Variants in VCAN observed in about 807,000 individuals in gnomAD.
VCAN encodes the protein versican core protein.
In VCAN, 44 loss-of-function variants were observed where a neutral mutation model predicts 245.5. The observed-to-expected ratio is 0.18, with a 90% CI of 0.14 to 0.23. The LOEUF (loss-of-function observed/expected upper bound fraction) is 0.23. Among genes scored for constraint, VCAN ranks in the 10% least tolerant of loss-of-function variants. VCAN has a pLI of 1.00. For missense variants in VCAN, 3,793 were observed against 4,057.9 expected (o/e 0.93, Z 1.77); for synonymous variants, 1,413 against 1,437.0 (o/e 0.98, Z 0.38).
chr5:83,498,803 T>G (rs968544668), intron 5 of VCAN, among the ~76,000 whole-genome samples: 10 of 152,198 alleles, frequency 6.6e-5, no homozygotes, highest in Non-Finnish European at 4.4e-5. Flanking sequence ...CCCCATCACT[T>G]TAAGAGTCCT....
intron 7 of VCAN, among the ~76,000 whole-genome samples, chr5:83,532,069 T>A (rs1479836222): frequency 6.6e-6 from 1 of 152,100 alleles, no homozygotes; most frequent in African/African-American, 2.4e-5. Flanking sequence ...GAAATGTCAA[T>A]TACACCATTG....
intron 12 of VCAN, among the ~76,000 whole-genome samples, chr5:83,567,683 G>A (rs1318443873): frequency 6.6e-6 from 1 of 152,198 alleles, no homozygotes; most frequent in Non-Finnish European, 1.5e-5. Context: ...TCTTTCAGGT[G>A]TAGTAGTGAT....
chr5:83,566,394 A>C (rs1194310731), intron 12 of VCAN, among the ~76,000 whole-genome samples: 1 of 152,156 alleles, frequency 6.6e-6, no homozygotes, highest in Non-Finnish European at 1.5e-5. Flanking sequence ...TTATCTGCTG[A>C]GATTTTAGGT....
chr5:83,538,716 G>A lies in VCAN; in HGVS notation c.5713G>A (p.Glu1905Lys), dbSNP rs1746832269. The change falls in exon 8 of 15, where the codon GAA becomes AAA. Residue 1905 changes from glutamate (E) to lysine (K), a missense_variant. This residue lies in a region of VCAN where 3,182 missense variants were observed against 3,250.3 expected (regional missense o/e 0.98). Coordinates refer to ENST00000265077, the MANE Select transcript of VCAN (RefSeq NM_004385.5). Reference sequence around the variant, plus strand: ...TGAAAATATAACCCAAACATCCAGGGAAATAGTGATTTCAGAGCGATTAGG... The same window carrying A: ...TGAAAATATAACCCAAACATCCAGGAAAATAGTGATTTCAGAGCGATTAGG... The part of the protein sequence containing the change: ...VAENITQTSR[E>K]IVISERLGEP... 1 of 1,613,902 alleles carries A rather than the reference G, an allele frequency of 6.2e-7. No homozygotes were observed. The highest frequency in any genetic ancestry group is 8.5e-7 in the Non-Finnish European group (1 of 1,179,982).
chr5:83,579,824 T>C (rs1211892450), intron 13 of VCAN, among the ~76,000 whole-genome samples, 156 bp from the exon 14 acceptor site: 15 of 152,184 alleles, frequency 9.9e-5, no homozygotes, highest in Non-Finnish European at 8.8e-5. Context: ...CAACATTACA[T>C]TTTCTTTTTG....
chr5:83,478,091 C>G (rs1347462970), intron 1 of VCAN, among the ~76,000 whole-genome samples: 1 of 151,874 alleles, frequency 6.6e-6, no homozygotes, highest in Non-Finnish European at 1.5e-5. Context: ...TATGGGCACC[C>G]ACCACCATGC....
In VCAN at chr5:83,541,316, G is replaced by C; in HGVS notation, c.8313G>C (p.Glu2771Asp). The change falls in exon 8 of 15, where the codon GAG (glutamate) becomes GAC (aspartate). Residue 2771 changes from glutamate (E) to aspartate (D), a missense_variant. Glu to Asp is a conservative substitution (Grantham distance 45, BLOSUM62 2). Transcript: ENST00000265077. ...FQPEFSSGAE[E>D]ALVDHTPYLS... Reference sequence around the variant, plus strand: ...CAGAATTCTCTTCAGGAGCTGAGGAGGCATTAGTAGACCATACTCCCTATC... The same window carrying C: ...CAGAATTCTCTTCAGGAGCTGAGGACGCATTAGTAGACCATACTCCCTATC... 1 of 1,614,038 alleles carries C rather than the reference G, an allele frequency of 6.2e-7. No homozygotes were observed. Among genetic ancestry groups the C allele is most frequent in the Non-Finnish European group, 8.5e-7 (1 of 1,179,976 alleles).
rs144321043 is a variant in VCAN at position 83,527,266 on chromosome 5, G to A, written c.4003+4957G>A. ...AAGAGTGTGCTGAAATTGGTAGTAC[G>A]TTATTCTGCAGTTCTGGGCAGCTTC... On this transcript the variant is annotated intron_variant, in intron 7 of 14. Transcript: ENST00000265077. 1.7e-3 allele frequency among the ~76,000 whole-genome samples: 252 copies of A among 151,254 alleles called. 1 individual carries two copies. Among genetic ancestry groups the A allele is most frequent in the African/African-American group, 5.9e-3 (241 of 41,160 alleles).
chr5:83,485,748 C>T (rs946003027), intron 2 of VCAN, among the ~76,000 whole-genome samples: 1 of 151,942 alleles, frequency 6.6e-6, no homozygotes, highest in African/African-American at 2.4e-5. Context: ...TAAATTGACT[C>T]CTGGGATGGC....
In VCAN at chr5:83,537,508, C is replaced by T. The variant is rs1456187558; in HGVS notation, c.4505C>T (p.Pro1502Leu). The T allele has an allele frequency of 1.9e-6, 3 of 1,613,866 alleles. No individual in the cohort carries two copies. Among genetic ancestry groups the T allele is most frequent in the Non-Finnish European group, 2.5e-6 (3 of 1,179,934 alleles). Residue 1502 changes from proline (P) to leucine (L), a missense_variant, in exon 8 of 15, where the codon CCC becomes CTC. This residue lies in a region of VCAN where 3,182 missense variants were observed against 3,250.3 expected (regional missense o/e 0.98). Transcript: ENST00000265077. Reference protein sequence around the residue: ...HFSGGEPDVFPTVPFHEEFES... With the variant: ...HFSGGEPDVFLTVPFHEEFES... ...TCAGGTGGTGAGCCTGATGTTTTCC[C>T]CACAGTCCCATTCCATGAGGAATTT...
Position 83,521,661 on chromosome 5 carries a change from G to A in VCAN, c.3355G>A (p.Val1119Met). Residue 1119 changes from valine to methionine, a missense_variant, in exon 7 of 15, where the codon GTG (valine) becomes ATG (methionine). Physicochemically the swap from Val to Met is conservative, Grantham distance 21. Around this residue, in one of 5 missense-constraint regions of VCAN, gnomAD observed 3,182 missense variants for 3,250.3 expected, o/e 0.98. Transcript: ENST00000265077. Reference protein sequence around the residue: ...VTEHKVKTDEVVTLTPRIGPK... With the variant: ...VTEHKVKTDEMVTLTPRIGPK... ...TGAGCACAAAGTGAAAACAGATGAAGTGGTAACACTAACACCACGCATTGG... is the reference window on the plus strand; with the variant it reads ...TGAGCACAAAGTGAAAACAGATGAAATGGTAACACTAACACCACGCATTGG... 1.9e-6 allele frequency: 3 copies of A among 1,613,842 alleles called. No homozygotes were observed. The highest frequency in any genetic ancestry group is 2.2e-5 in the South Asian group (2 of 91,082).
rs532077063 is a variant in VCAN at position 83,519,956 on chromosome 5, C to T, written c.1650C>T (p.Phe550=). Reference sequence around the variant, plus strand: ...TGGTAACCACAGGTCACTATGGATTCACCTTGGGAGAAGAGGATGATGAAG... The same window carrying T: ...TGGTAACCACAGGTCACTATGGATTTACCTTGGGAGAAGAGGATGATGAAG... ...SELVTTGHYG[F]TLGEEDDEDR... Residue 550 remains phenylalanine, a synonymous_variant, in exon 7 of 15, where the codon TTC becomes TTT. Transcript: ENST00000265077. 45 of 1,614,010 alleles carry T rather than the reference C, an allele frequency of 2.8e-5. No individual in the cohort carries two copies. In the South Asian group the frequency reaches 4.7e-4, roughly 17 times the overall value.
Position 83,572,569 on chromosome 5 carries a change from C to G in VCAN, c.9880+9C>G. On this transcript the variant is annotated intron_variant, in intron 13 of 14. Coordinates refer to ENST00000265077, the MANE Select transcript of VCAN (RefSeq NM_004385.5). ...GTGCAAGAAAGGAACAGGTAATGATCACCCTGTTAATAATGTGTACTTAAT... is the reference window on the plus strand; with the variant it reads ...GTGCAAGAAAGGAACAGGTAATGATGACCCTGTTAATAATGTGTACTTAAT... The G allele has an allele frequency of 1.2e-6, 2 of 1,613,444 alleles. No homozygotes were observed. The highest frequency in any genetic ancestry group is 1.7e-6 in the Non-Finnish European group (2 of 1,179,550).
At chr5:83,500,280 A>C (rs1296388705) in intron 5 of VCAN, among the ~76,000 whole-genome samples, 1 of 152,152 alleles carries the variant, frequency 6.6e-6, no homozygotes, top group Non-Finnish European at 1.5e-5. Context: ...GCCCTAGAAG[A>C]TGCTAAAAAC....
chr5:83,494,564 G>A (rs904597162), intron 5 of VCAN, among the ~76,000 whole-genome samples: 1 of 152,278 alleles, frequency 6.6e-6, no homozygotes, highest in Non-Finnish European at 1.5e-5. Context: ...TTTCAGCACT[G>A]TCATTTCTCC....
chr5:83,554,827 G>A lies in VCAN; in HGVS notation c.9653-129G>A, dbSNP rs981718721. ...AAGGTAGACTAGGAGAGATTTTTATGAGCAACTAAATAAAAATCCAGCCAG... is the reference window on the plus strand; with the variant it reads ...AAGGTAGACTAGGAGAGATTTTTATAAGCAACTAAATAAAAATCCAGCCAG... On this transcript the variant is annotated intron_variant, in intron 11 of 14. Transcript: ENST00000265077. 7.1e-6 allele frequency: 6 copies of A among 845,306 alleles called. No homozygotes were observed. In the Admixed American group the frequency reaches 8.1e-5, roughly 11 times the overall value. 52.4% of individuals were successfully genotyped at this position (845,306 alleles called of 1,614,324 possible).
intron 5 of VCAN, among the ~76,000 whole-genome samples, chr5:83,499,082 C>A (rs1390311448): frequency 6.6e-6 from 1 of 151,968 alleles, no homozygotes; most frequent in Non-Finnish European, 1.5e-5. Flanking sequence ...GGAACACACA[C>A]CCTTCATCTC....
intron 6 of VCAN, among the ~76,000 whole-genome samples, chr5:83,517,400 T>C (rs1745891507): frequency 6.6e-6 from 1 of 152,190 alleles, no homozygotes; most frequent in Non-Finnish European, 1.5e-5. Flanking sequence ...GCTTTTTTGT[T>C]GTTATTAATA....
intron 9 of VCAN, 48 bp downstream of exon 9, chr5:83,545,698 T>A (rs754003844): frequency 7.4e-7 from 1 of 1,359,846 alleles, no homozygotes; most frequent in Non-Finnish European, 1.1e-6. Flanking sequence ...ACAGAAGATA[T>A]ATTGGGGGAG....
Sources: allele counts gnomAD v4.1 joint callset (sites outside exome capture counted in the v4.1 genomes callset), GRCh38; gene constraint gnomAD v4.1.1; regional missense constraint gnomAD v4.1.1; transcripts MANE v1.5; gene names NCBI Gene and HGNC (gene_info 2026-07-23, HGNC 2026-07-21).